Variants in TPRA1 observed in about 807,000 individuals in gnomAD.
TPRA1 encodes transmembrane protein adipocyte associated 1.
TPRA1 carries 28 observed loss-of-function variants against 40.1 expected under a neutral mutation model. That is an observed-to-expected ratio of 0.70 (90% CI 0.52 to 0.96). TPRA1 has a LOEUF of 0.96. TPRA1 is among the 40% of genes least tolerant of loss of function. The pLI is 0.00. For missense variants in TPRA1, 441 were observed against 482.6 expected (o/e 0.91, Z 0.81); for synonymous variants, 219 against 209.7 (o/e 1.04, Z -0.38).
intron 1 of TPRA1, among the ~76,000 whole-genome samples, chr3:127,597,603 G>A (rs965858487): frequency 1.3e-5 from 2 of 152,158 alleles, no homozygotes; most frequent in African/African-American, 4.8e-5. Flanking sequence ...TTTGCACATG[G>A]CATCCTTCTA....
chr3:127,577,180 G>T, intron 3 of TPRA1, 104 bp from the exon 4 acceptor site: 1 of 1,237,262 alleles, frequency 8.1e-7, no homozygotes, highest in Non-Finnish European at 1.2e-6. Flanking sequence ...GATTCCTGAG[G>T]TCGGAAAGGA....
intron 1 of TPRA1, among the ~76,000 whole-genome samples, chr3:127,588,481 T>C (rs2074069369): frequency 1.3e-5 from 2 of 148,604 alleles, no homozygotes; most frequent in Admixed American, 6.8e-5. Context: ...AGTGCAATGG[T>C]GCGATCTTGG....
intron 1 of TPRA1, among the ~76,000 whole-genome samples, chr3:127,585,340 T>C (rs1052089968): frequency 3.9e-5 from 6 of 152,238 alleles, no homozygotes; most frequent in African/African-American, 7.2e-5. Context: ...GGGTAGCTGA[T>C]ACCAGAAAGG....
At chr3:127,579,999 G>T (rs939955882) in intron 2 of TPRA1, 23 bp downstream of exon 2, 2 of 1,612,586 alleles carry the variant, frequency 1.2e-6, no homozygotes, top group East Asian at 2.2e-5. Context: ...CAGCGAGCCT[G>T]CCCAGCGTTG....
chr3:127,576,784 G>A lies in TPRA1; in HGVS notation c.418+37C>T, dbSNP rs1486401924. ...CACAGCCAGGGAGGGGCAGGGGAGAGCATCGCCAGGGCCCAAGAGCCCAGC... is the reference window on the plus strand; with the variant it reads ...CACAGCCAGGGAGGGGCAGGGGAGAACATCGCCAGGGCCCAAGAGCCCAGC... On this transcript the variant is annotated intron_variant, in intron 5 of 10. Transcript: ENST00000355552. The surrounding 1 kb of genome is among the most constrained non-coding windows in gnomAD (Gnocchi z 4.6). 6.2e-7 allele frequency: 1 copy of A among 1,613,396 alleles called. No homozygotes were observed. Among genetic ancestry groups the A allele is most frequent in the East Asian group, 2.2e-5 (1 of 44,858 alleles).
At chr3:127,588,123 C>T (rs1010084332) in intron 1 of TPRA1, 4 of 152,488 alleles carry the variant, frequency 2.6e-5, no homozygotes, top group Admixed American at 6.5e-5. Context: ...CAGTCAACAA[C>T]TTGCCAGGTG....
chr3:127,575,955 G>C lies in TPRA1; in HGVS notation c.594C>G (p.Ser198=). The change falls in exon 7 of 11, where the codon TCC becomes TCG. Residue 198 remains serine, a synonymous_variant. Coordinates refer to ENST00000355552, the MANE Select transcript of TPRA1 (RefSeq NM_001136053.4). Reference sequence around the variant, plus strand: ...TGAACCTCACCAGGAAGAAGAAGCAGGAGCTGACCAGCCAGAACTGGCGGC... The same window carrying C: ...TGAACCTCACCAGGAAGAAGAAGCACGAGCTGACCAGCCAGAACTGGCGGC... ...HGGRQFWLVS[S]CFFFLVYSLV... is the part of the protein sequence containing the mutation. 2 of 1,614,030 alleles carry C rather than the reference G, an allele frequency of 1.2e-6. No individual in the cohort carries two copies. Among genetic ancestry groups the C allele is most frequent in the Non-Finnish European group, 1.7e-6 (2 of 1,180,020 alleles).
Position 127,576,536 on chromosome 3 carries a change from G to A in TPRA1, c.498+81C>T, listed in dbSNP as rs990515089. Reference sequence around the variant, plus strand: ...GAGAACTCTGAAGGTGATAAAGACTGGAAACCTGACCCAGACCCAGAAGCA... The same window carrying A: ...GAGAACTCTGAAGGTGATAAAGACTAGAAACCTGACCCAGACCCAGAAGCA... On this transcript the variant is annotated intron_variant, in intron 6 of 10. Transcript: ENST00000355552. The surrounding 1 kb of genome is among the most constrained non-coding windows in gnomAD (Gnocchi z 4.6). 7 of 1,376,912 alleles carry A rather than the reference G, an allele frequency of 5.1e-6. No individual in the cohort carries two copies. Among genetic ancestry groups the A allele is most frequent in the Non-Finnish European group, 5.9e-6 (6 of 1,011,994 alleles). 85.3% of individuals were successfully genotyped at this position (1,376,912 alleles called of 1,614,324 possible). A position where few individuals can be genotyped will look rare whatever the true frequency, so the allele number is the denominator to read the frequency against.
intron 1 of TPRA1, among the ~76,000 whole-genome samples, chr3:127,582,768 A>C (rs2073872911): frequency 6.6e-6 from 1 of 151,162 alleles, no homozygotes; most frequent in African/African-American, 2.4e-5. Context: ...TGGGAGGCTG[A>C]GGTAGGTGGA....
At position 127,575,791 on chromosome 3, in the gene TPRA1, T is replaced by C; in HGVS notation, c.628A>G (p.Ile210Val). The change falls in exon 8 of 11, where the codon ATC becomes GTC. Residue 210 changes from isoleucine (I) to valine (V), a missense_variant. Transcript: ENST00000355552. ...FFFLVYSLVV[I>V]LPKTPLKERI... ...TCCTTCAGCGGGGTCTTGGGAAGGA[T>C]GACCACCAGAGAGTAGACCTACAGA... 6.2e-7 allele frequency: 1 copy of C among 1,613,842 alleles called. No individual in the cohort carries two copies. The highest frequency in any genetic ancestry group is 2.2e-5 in the East Asian group (1 of 44,846).
At chr3:127,573,877 G>A in intron 10 of TPRA1, 89 bp from the exon 11 acceptor site, 1 of 1,461,678 alleles carries the variant, frequency 6.8e-7, no homozygotes, top group East Asian at 2.4e-5. Flanking sequence ...ACCAGATAAG[G>A]AAGGAATTGA....
chr3:127,581,634 C>T (rs910954152), intron 1 of TPRA1, among the ~76,000 whole-genome samples: 9 of 151,858 alleles, frequency 5.9e-5, no homozygotes, highest in Non-Finnish European at 4.4e-5. Flanking sequence ...AAGATGTGGC[C>T]GGGCGCGGTG....
chr3:127,575,635 T>C, intron 8 of TPRA1, 114 bp downstream of exon 8: 2 of 1,504,800 alleles, frequency 1.3e-6, no homozygotes. Context: ...CCCAGGGCTC[T>C]CCAGCTCCCA....
At position 127,571,449 on chromosome 3, in the gene TPRA1, T is replaced by C. The variant is rs1361405359; in HGVS notation, c.*2072A>G. 6.6e-6 allele frequency: 1 copy of C among 152,228 alleles called. No homozygotes were observed. Among genetic ancestry groups the C allele is most frequent in the Non-Finnish European group, 1.5e-5 (1 of 68,040 alleles). The allele number at this position is 152,228 out of a possible 1,614,324, so 9.4% of individuals were successfully genotyped here. A position where few individuals can be genotyped will look rare whatever the true frequency, so the allele number is the denominator to read the frequency against. ...ACTTGCATGAGTTACCAAAAGCAAA[T>C]TTATAAGGATTGTTGATGTTGCCTT... On this transcript the variant is annotated 3_prime_UTR_variant, in exon 11 of 11. Transcript: ENST00000355552.
At chr3:127,579,518 G>A (rs1416244791) in intron 3 of TPRA1, among the ~76,000 whole-genome samples, 1 of 152,206 alleles carries the variant, frequency 6.6e-6, no homozygotes, top group African/African-American at 2.4e-5. Context: ...GAGGCAGGAT[G>A]TTAGCTCAAA....
At chr3:127,596,855 G>T (rs371407778) in intron 1 of TPRA1, among the ~76,000 whole-genome samples, 1 of 152,150 alleles carries the variant, frequency 6.6e-6, no homozygotes, top group Non-Finnish European at 1.5e-5. Flanking sequence ...GGTGGCTCAC[G>T]CCTGTAATCC....
At position 127,576,639 on chromosome 3, in the gene TPRA1, G is replaced by A. The variant is rs1240397979; in HGVS notation, c.476C>T (p.Ser159Phe). The A allele has an allele frequency of 6.2e-7, 1 of 1,609,222 alleles. No individual in the cohort carries two copies. Among genetic ancestry groups the A allele is most frequent in the East Asian group, 2.2e-5 (1 of 44,710 alleles). The change falls in exon 6 of 11, where the codon TCC becomes TTC. Residue 159 changes from serine (S) to phenylalanine (F), a missense_variant. Coordinates refer to ENST00000355552, the MANE Select transcript of TPRA1 (RefSeq NM_001136053.4). This position sits in a 1 kb window ranked among gnomAD's most constrained non-coding sequence, Gnocchi z 4.6. Reference sequence around the variant, plus strand: ...TACCTGGGTGACAGAGTAGGCCAGGGACAGCACTGTGGTGATGGCCAGCAC... The same window carrying A: ...TACCTGGGTGACAGAGTAGGCCAGGAACAGCACTGTGGTGATGGCCAGCAC... ...KRVLAITTVL[S>F]LAYSVTQGTL...
At position 127,576,097 on chromosome 3, in the gene TPRA1, T is replaced by G; in HGVS notation, c.499-47A>C. ...GAGGAAGGGAGAGGATCTCAAGGCT[T>G]CTCTCTCCCAGGGGCTTTCCCTGAT... is the stretch of plus-strand genomic sequence containing the variant. On this transcript the variant is annotated intron_variant, in intron 6 of 10. Transcript: ENST00000355552. The surrounding 1 kb of genome is among the most constrained non-coding windows in gnomAD (Gnocchi z 4.6). 1 of 1,471,844 alleles carries G rather than the reference T, an allele frequency of 6.8e-7. No individual in the cohort carries two copies. The highest frequency in any genetic ancestry group is 1.7e-5 in the Admixed American group (1 of 57,236). The allele number at this position is 1,471,844 out of a possible 1,614,324, so 91.2% of individuals were successfully genotyped here. A position where few individuals can be genotyped will look rare whatever the true frequency, so the allele number is the denominator to read the frequency against.
At chr3:127,595,538 G>C (rs2074232640), upstream of TPRA1, 1 of 152,320 alleles carries the variant, frequency 6.6e-6, no homozygotes, top group African/African-American at 2.4e-5. Flanking sequence ...ACAGCTCCTA[G>C]TCCTTATCAG....
Sources: allele counts gnomAD v4.1 joint callset (sites outside exome capture counted in the v4.1 genomes callset), GRCh38; gene constraint gnomAD v4.1.1; non-coding constraint Gnocchi (gnomAD v3.1); transcripts MANE v1.5; gene names NCBI Gene and HGNC (gene_info 2026-07-23, HGNC 2026-07-21).